Variants in NDUFAB1 observed in about 807,000 individuals in gnomAD.
NDUFAB1 encodes the protein NADH:ubiquinone oxidoreductase subunit AB1.
In NDUFAB1, 5 loss-of-function variants were observed where a neutral mutation model predicts 16.1. That is an observed-to-expected ratio of 0.31 (90% CI 0.16 to 0.65). The LOEUF (loss-of-function observed/expected upper bound fraction) is 0.65. Ranked by LOEUF, NDUFAB1 falls within the 30% of genes least tolerant of loss-of-function variation. The pLI is 0.77. For synonymous variants in NDUFAB1, 85 were observed against 78.4 expected (o/e 1.08, Z -0.44); for missense variants, 187 against 205.3 (o/e 0.91, Z 0.54).
intron 3 of NDUFAB1, among the ~76,000 whole-genome samples, chr16:23,582,945 T>C (rs917109038): frequency 6.1e-5 from 9 of 148,318 alleles, no homozygotes; most frequent in Admixed American, 3.4e-4. Flanking sequence ...GCCTGCCCAG[T>C]GCCTGCGATT....
rs1433014857 is a variant in NDUFAB1, at chr16:23,589,116, G to A, written c.169-1797C>T. 2.6e-5 allele frequency among the ~76,000 whole-genome samples: 4 copies of A among 151,660 alleles called. No homozygotes were observed. The East Asian group carries it at 7.8e-4, about 29-fold the overall frequency. On this transcript the variant is annotated intron_variant, in intron 1 of 4. Coordinates refer to ENST00000007516, the MANE Select transcript of NDUFAB1 (RefSeq NM_005003.3). Reference sequence around the variant, plus strand: ...AGTTCGACACTAGCCTGACCAACATGGAGAAACCCCGTCTCTACCAAAAAT... The same window carrying A: ...AGTTCGACACTAGCCTGACCAACATAGAGAAACCCCGTCTCTACCAAAAAT...
chr16:23,588,734 T>C (rs1334787638), intron 1 of NDUFAB1, among the ~76,000 whole-genome samples: 2 of 152,182 alleles, frequency 1.3e-5, no homozygotes, highest in African/African-American at 4.8e-5. Flanking sequence ...TCCCAGCACT[T>C]TGGGAGGCCG....
chr16:23,581,407 G>A (rs1402478741), intron 4 of NDUFAB1, among the ~76,000 whole-genome samples: 9 of 152,058 alleles, frequency 5.9e-5, no homozygotes, highest in African/African-American at 1.7e-4. Flanking sequence ...TTAGCTGGGC[G>A]TGGAGGTGCA....
intron 1 of NDUFAB1, among the ~76,000 whole-genome samples, chr16:23,593,903 TG>T (rs1353042122): frequency 2.7e-5 from 4 of 150,884 alleles, no homozygotes; most frequent in Non-Finnish European, 4.4e-5. Flanking sequence ...TTTATTGAGA[TG>T]GAGTCTGGCT....
At chr16:23,593,697 G>C (rs1162922142) in intron 1 of NDUFAB1, among the ~76,000 whole-genome samples, 1 of 152,112 alleles carries the variant, frequency 6.6e-6, no homozygotes, top group Non-Finnish European at 1.5e-5. Flanking sequence ...AACTGAATCA[G>C]AATCTGTATT....
At chr16:23,584,726 T>G (rs919505653) in intron 3 of NDUFAB1, among the ~76,000 whole-genome samples, 5 of 152,212 alleles carry the variant, frequency 3.3e-5, no homozygotes, top group Non-Finnish European at 7.3e-5. Context: ...GGCAAAGGGA[T>G]TCCATCCTAG....
intron 4 of NDUFAB1, 30 bp downstream of exon 4, chr16:23,582,245 TG>T: frequency 4.2e-6 from 6 of 1,431,642 alleles, no homozygotes; most frequent in Non-Finnish European, 5.5e-6. Flanking sequence ...GACAAATCTA[TG>T]GGTGAACATC....
Position 23,587,316 on chromosome 16 carries a change from G to A in NDUFAB1, c.172C>T (p.Pro58Ser), listed in dbSNP as rs975661031. Residue 58 changes from proline (P) to serine (S), a missense_variant, in exon 2 of 5, where the codon CCT (proline) becomes TCT (serine). Coordinates refer to ENST00000007516, the MANE Select transcript of NDUFAB1 (RefSeq NM_005003.3). ...LQPALVLAQV[P>S]GRVTQLCRQY... The stretch of plus-strand genomic sequence containing the variant: ...CGGCACAACTGTGTAACTCTACCAG[G>A]AACCTAGAGCGACGGCAGGAAGGAA... The A allele has an allele frequency of 1.9e-6, 3 of 1,613,076 alleles. No homozygotes were observed. Among genetic ancestry groups the A allele is most frequent in the Admixed American group, 3.3e-5 (2 of 59,780 alleles).
intron 1 of NDUFAB1, chr16:23,595,533 A>C: frequency 2.2e-6 from 1 of 454,564 alleles, no homozygotes; most frequent in Admixed American, 2.4e-5. Flanking sequence ...TTGAAAAAAA[A>C]TCCGCATATA....
At chr16:23,583,199 T>C (rs908597603) in intron 3 of NDUFAB1, among the ~76,000 whole-genome samples, 2 of 152,198 alleles carry the variant, frequency 1.3e-5, no homozygotes, top group African/African-American at 4.8e-5. Context: ...TGCCTTGGCC[T>C]CCCAAAGTGC....
At position 23,591,959 on chromosome 16, in the gene NDUFAB1, C is replaced by A. The variant is rs570148511; in HGVS notation, c.168+4164G>T. ...AATGCAAAGATGAATAAGACACAAC[C>A]TTCCCCCAAAAGAAGCTTACACTCT... On this transcript the variant is annotated intron_variant, in intron 1 of 4. Coordinates refer to ENST00000007516, the MANE Select transcript of NDUFAB1 (RefSeq NM_005003.3). 5.8e-4 allele frequency among the ~76,000 whole-genome samples: 88 copies of A among 152,330 alleles called. 2 individuals carry two copies. In the South Asian group the frequency reaches 0.018, roughly 31 times the overall value.
intron 2 of NDUFAB1, 33 bp from the exon 3 acceptor site, chr16:23,585,456 G>GTT: frequency 1.3e-6 from 2 of 1,484,720 alleles, no homozygotes; most frequent in Non-Finnish European, 1.9e-6. Flanking sequence ...ACAAAATTTA[G>GTT]TCCATGAAAG....
chr16:23,583,670 T>C (rs1481155008), intron 3 of NDUFAB1, among the ~76,000 whole-genome samples: 3,339 of 130,560 alleles, frequency 0.026, 477 homozygotes, highest in African/African-American at 0.057. Flanking sequence ...CCGCCCCGTC[T>C]GAGAAGTGAG....
At chr16:23,582,781 AGGTCTCCCTCTCCCTCTCCCTCTTCCCAC>A (rs1567406810) in intron 3 of NDUFAB1, among the ~76,000 whole-genome samples, 21 of 88,774 alleles carry the variant, frequency 2.4e-4, no homozygotes, top group East Asian at 2.1e-3. Context: ...CCTCTCCCCA[AGGTCTCCCTCTCCCTCTCCCTCTTCCCAC>A]GGTCTCCCTC....
At chr16:23,581,738 A>T (rs1424428110) in intron 4 of NDUFAB1, 1 of 152,240 alleles carries the variant, frequency 6.6e-6, no homozygotes, top group African/African-American at 2.4e-5. Flanking sequence ...CTTTCACAAA[A>T]GCCCCAGGTA....
chr16:23,582,566 T>A (rs977363314), intron 3 of NDUFAB1, among the ~76,000 whole-genome samples, 191 bp from the exon 4 acceptor site: 4 of 68,186 alleles, frequency 5.9e-5, no homozygotes, highest in African/African-American at 3.0e-4. Flanking sequence ...TTTGGAGGTA[T>A]GTTTGTTTGT....
chr16:23,585,380 C>G lies in NDUFAB1; in HGVS notation c.335G>C (p.Ser112Thr). The change falls in exon 3 of 5, where the codon AGT becomes ACT. Residue 112 changes from serine (S) to threonine (T), a missense_variant. Ser to Thr is a moderately conservative substitution (Grantham distance 58). Coordinates refer to ENST00000007516, the MANE Select transcript of NDUFAB1 (RefSeq NM_005003.3). Reference sequence around the variant, plus strand: ...CATGATAATCTCCACTTGGTCCAAACTGTCTAAGCCCAGGTCTTTCATAAA... The same window carrying G: ...CATGATAATCTCCACTTGGTCCAAAGTGTCTAAGCCCAGGTCTTTCATAAA... Reference protein sequence around the residue: ...SHFMKDLGLDSLDQVEIIMAM... With the variant: ...SHFMKDLGLDTLDQVEIIMAM... 1 of 1,614,070 alleles carries G rather than the reference C, an allele frequency of 6.2e-7. No individual in the cohort carries two copies. Among genetic ancestry groups the G allele is most frequent in the Non-Finnish European group, 8.5e-7 (1 of 1,179,914 alleles).
intron 2 of NDUFAB1, among the ~76,000 whole-genome samples, chr16:23,586,747 C>T (rs1026789025): frequency 6.6e-6 from 1 of 152,042 alleles, no homozygotes; most frequent in African/African-American, 2.4e-5. Flanking sequence ...CTCCCGGGTT[C>T]AAGTGATTCT....
At chr16:23,585,284 T>G in intron 3 of NDUFAB1, 52 bp downstream of exon 3, 1 of 1,322,664 alleles carries the variant, frequency 7.6e-7, no homozygotes, top group East Asian at 2.3e-5. Context: ...TCTTTCAGTT[T>G]AATCCACCTT....
Sources: allele counts gnomAD v4.1 joint callset (sites outside exome capture counted in the v4.1 genomes callset), GRCh38; gene constraint gnomAD v4.1.1; transcripts MANE v1.5; gene names NCBI Gene and HGNC (gene_info 2026-07-23, HGNC 2026-07-21).